GPHN: variants seen among roughly 807,000 people sequenced by gnomAD.
GPHN encodes gephyrin.
GPHN carries 17 observed loss-of-function variants against 95.5 expected under a neutral mutation model. The observed-to-expected ratio is 0.18, with a 90% CI of 0.12 to 0.27. The LOEUF (loss-of-function observed/expected upper bound fraction) is 0.27, where lower values mean the gene tolerates loss of function less well. Ranked by LOEUF, GPHN falls within the 10% of genes least tolerant of loss-of-function variation. GPHN has a pLI of 1.00. For synonymous variants in GPHN, 320 were observed against 322.5 expected (o/e 0.99, Z 0.08); for missense variants, 660 against 978.1 (o/e 0.67, Z 4.34).
chr14:67,213,061 A>G, the GPHN span, among the ~76,000 whole-genome samples: 1 of 150,440 alleles, frequency 6.6e-6, no homozygotes, highest in Non-Finnish European at 1.5e-5. Flanking sequence ...TTACTGAATC[A>G]TAAGCTTGGG....
chr14:67,443,244 T>A, the GPHN span, among the ~76,000 whole-genome samples: 871 of 150,942 alleles, frequency 5.8e-3, 13 homozygotes, highest in African/African-American at 0.02. Context: ...AAAAAAAAAA[T>A]GAGTTCTGTA....
the GPHN span, chr14:67,320,918 A>G: frequency 1.4e-6 from 1 of 693,330 alleles, no homozygotes; most frequent in South Asian, 1.9e-5. Context: ...AATGTTAAAC[A>G]TGTAGGCACT....
At chr14:67,543,227 C>T in the GPHN span, among the ~76,000 whole-genome samples, 1 of 152,150 alleles carries the variant, frequency 6.6e-6, no homozygotes. Flanking sequence ...TTAGTAAAGC[C>T]CAAATGGATG....
chr14:66,929,336 C>T (rs190338272), intron 8 of GPHN, among the ~76,000 whole-genome samples: 5 of 152,180 alleles, frequency 3.3e-5, no homozygotes, highest in Admixed American at 2.0e-4. Context: ...TGAGCTACCA[C>T]GCCCAGCCTC....
chr14:67,061,552 A>G (rs114145479), intron 11 of GPHN, among the ~76,000 whole-genome samples: 2 of 152,278 alleles, frequency 1.3e-5, no homozygotes, highest in African/African-American at 2.4e-5. Context: ...AAGGCCCTTT[A>G]TAATCTGATT....
At chr14:67,036,538 C>CACAG in intron 10 of GPHN, among the ~76,000 whole-genome samples, 1 of 149,934 alleles carries the variant, frequency 6.7e-6, no homozygotes, top group South Asian at 2.1e-4. Context: ...CACACACACA[C>CACAG]ACAGAGAAAC....
At chr14:67,079,722 G>T (rs751272934) in intron 11 of GPHN, among the ~76,000 whole-genome samples, 3 of 151,774 alleles carry the variant, frequency 2.0e-5, no homozygotes, top group Admixed American at 2.0e-4. Flanking sequence ...GTTTCAATTC[G>T]CAAATTCAAA....
chr14:67,475,974 A>C, the GPHN span, among the ~76,000 whole-genome samples: 9 of 152,220 alleles, frequency 5.9e-5, no homozygotes, highest in Admixed American at 1.3e-4. Context: ...CGTCCTGGGC[A>C]GGCCCTCTCT....
At chr14:66,526,787 G>C (rs546660018) in intron 1 of GPHN, among the ~76,000 whole-genome samples, 2 of 152,228 alleles carry the variant, frequency 1.3e-5, no homozygotes, top group East Asian at 3.9e-4. Context: ...TTATTGATTT[G>C]TATATGTTGA....
intron 8 of GPHN, among the ~76,000 whole-genome samples, chr14:66,954,486 A>T (rs932879036): frequency 6.6e-6 from 1 of 152,136 alleles, no homozygotes; most frequent in African/African-American, 2.4e-5. Flanking sequence ...CATGTATTCT[A>T]CAACTTCGCT....
At chr14:67,398,374 A>G in the GPHN span, among the ~76,000 whole-genome samples, 8 of 151,978 alleles carry the variant, frequency 5.3e-5, no homozygotes, top group Admixed American at 5.2e-4. Flanking sequence ...CTCAGCAGAC[A>G]TTTCCCCATC....
chr14:67,150,461 A>AAC (rs2081206354), intron 18 of GPHN, among the ~76,000 whole-genome samples: 1 of 149,708 alleles, frequency 6.7e-6, no homozygotes, highest in Admixed American at 6.7e-5. Context: ...AACAAAAAAA[A>AAC]AAAAAAAAAA....
chr14:66,546,246 A>G (rs1003851251), intron 1 of GPHN, among the ~76,000 whole-genome samples: 3 of 146,702 alleles, frequency 2.0e-5, no homozygotes, highest in Non-Finnish European at 3.0e-5. Context: ...CACTTTCTAG[A>G]TGGGATGGCG....
chr14:67,647,823 C>T, the GPHN span: 2 of 544,634 alleles, frequency 3.7e-6, no homozygotes, highest in South Asian at 4.7e-5. Flanking sequence ...CTGAGGTATG[C>T]AGAACAAATG....
the GPHN span, among the ~76,000 whole-genome samples, chr14:67,449,694 A>G: frequency 6.6e-6 from 1 of 152,076 alleles, no homozygotes; most frequent in Non-Finnish European, 1.5e-5. Context: ...CATAATTCCC[A>G]TGTATTGTGG....
At chr14:66,555,466 TGA>T (rs1360937662) in intron 1 of GPHN, among the ~76,000 whole-genome samples, 1 of 152,136 alleles carries the variant, frequency 6.6e-6, no homozygotes, top group Non-Finnish European at 1.5e-5. Context: ...ATTTGTTGAA[TGA>T]GTTAATGAAT....
the GPHN span, chr14:67,649,996 A>G: frequency 6.6e-6 from 1 of 152,334 alleles, no homozygotes; most frequent in Non-Finnish European, 1.5e-5. Context: ...CCAAAGGAAC[A>G]CTACCGAGAA....
chr14:66,879,084 A>G (rs928416856), intron 4 of GPHN, among the ~76,000 whole-genome samples: 12 of 152,244 alleles, frequency 7.9e-5, no homozygotes, highest in African/African-American at 2.9e-4. Context: ...GGAAACCATG[A>G]TTCTCAGCAA....
chr14:66,825,785 G>A (rs984258402), intron 4 of GPHN, among the ~76,000 whole-genome samples: 1 of 152,072 alleles, frequency 6.6e-6, no homozygotes, highest in African/African-American at 2.4e-5. Context: ...CGTATTGAGA[G>A]GTTAACTTCA....
Sources: gnomAD v4.1 joint callset for allele counts (sites outside exome capture counted in the v4.1 genomes callset) on GRCh38, gnomAD v4.1.1 for gene constraint, MANE v1.5 for transcripts, NCBI Gene and HGNC (gene_info 2026-07-23, HGNC 2026-07-21) for gene names.